LAMA3: variants seen among roughly 807,000 people sequenced by gnomAD.
The protein encoded by LAMA3 is laminin subunit alpha 3.
In LAMA3, 281 loss-of-function variants were observed where a neutral mutation model predicts 402.0. That is an observed-to-expected ratio of 0.70 (90% CI 0.63 to 0.77). The LOEUF (loss-of-function observed/expected upper bound fraction) is 0.77. LAMA3 is among the 30% of genes least tolerant of loss of function. The pLI is 0.00. For synonymous variants in LAMA3, 1,431 were observed against 1,558.4 expected (o/e 0.92, Z 1.93); for missense variants, 3,840 against 4,215.5 (o/e 0.91, Z 2.47).
At chr18:23,867,950 C>T in intron 37 of LAMA3, 33 bp downstream of exon 37, 1 of 1,510,378 alleles carries the variant, frequency 6.6e-7, no homozygotes. Flanking sequence ...ATGGTCCTTT[C>T]TGTTTTGTGA....
At chr18:23,714,125 A>G (rs1321439519) in intron 2 of LAMA3, 53 bp downstream of exon 2, 6 of 1,506,804 alleles carry the variant, frequency 4.0e-6, no homozygotes, top group East Asian at 2.3e-5. Flanking sequence ...CACTGTTTCT[A>G]TGGGGATTTC....
At chr18:23,806,584 G>T (rs768895925) in intron 12 of LAMA3, among the ~76,000 whole-genome samples, 1 of 152,108 alleles carries the variant, frequency 6.6e-6, no homozygotes, top group African/African-American at 2.4e-5. Context: ...AAGAAGACTC[G>T]TTGGAATTTA....
chr18:23,736,044 A>G (rs922586208), intron 2 of LAMA3, among the ~76,000 whole-genome samples: 2 of 152,064 alleles, frequency 1.3e-5, no homozygotes, highest in African/African-American at 4.8e-5. Flanking sequence ...GGCCCTTTCA[A>G]AAACTTCAAC....
At chr18:23,832,782 T>A (rs1170028678) in intron 23 of LAMA3, among the ~76,000 whole-genome samples, 3 of 152,216 alleles carry the variant, frequency 2.0e-5, no homozygotes, top group Non-Finnish European at 1.5e-5. Flanking sequence ...GTTCAAAAAA[T>A]GAAGTATATT....
chr18:23,817,917 G>A (rs559568769), intron 18 of LAMA3, among the ~76,000 whole-genome samples: 44 of 152,128 alleles, frequency 2.9e-4, no homozygotes, highest in Non-Finnish European at 1.5e-4. Flanking sequence ...ACTTTGGGGG[G>A]CCGAGGTGGG....
At chr18:23,769,495 G>A (rs1189016668) in intron 8 of LAMA3, among the ~76,000 whole-genome samples, 1 of 152,196 alleles carries the variant, frequency 6.6e-6, no homozygotes, top group Non-Finnish European at 1.5e-5. Context: ...ATTTGACTGT[G>A]AGACGTGAAG....
intron 36 of LAMA3, among the ~76,000 whole-genome samples, chr18:23,867,480 CAGAGGTTG>C: frequency 6.8e-6 from 1 of 146,348 alleles, no homozygotes; most frequent in Non-Finnish European, 1.5e-5. Context: ...ACCCGGATGC[CAGAGGTTG>C]CAGTGAGCCA....
At chr18:23,946,940 C>T (rs2082732261) in intron 70 of LAMA3, 1 of 152,424 alleles carries the variant, frequency 6.6e-6, no homozygotes, top group African/African-American at 2.4e-5. Context: ...AAAGCTGTTC[C>T]TTGTCCTCGT....
intron 8 of LAMA3, among the ~76,000 whole-genome samples, chr18:23,771,915 T>C (rs1274961471): frequency 1.3e-5 from 2 of 152,216 alleles, no homozygotes; most frequent in Non-Finnish European, 2.9e-5. Context: ...TTCCCTTAAA[T>C]ATTGATGCTC....
chr18:23,931,182 G>C lies in LAMA3; in HGVS notation c.8557G>C (p.Val2853Leu). The change falls in exon 65 of 75, where the codon GTA (valine) becomes CTA (leucine). Residue 2853 changes from valine (V) to leucine (L), a missense_variant. Val to Leu is a conservative substitution (Grantham distance 32). This residue lies in a region of LAMA3 where 840 missense variants were observed against 981.9 expected (regional missense o/e 0.86). Coordinates refer to ENST00000313654, the MANE Select transcript of LAMA3 (RefSeq NM_198129.4). ...YMDGLLHYVS[V>L]ISDNSGLRLL... ...GGATGGTTTACTGCATTATGTATCT[G>C]TAATAAGCGACAACTCTGGGTGAGT... The C allele has an allele frequency of 1.1e-5, 17 of 1,612,772 alleles. No homozygotes were observed. The highest frequency in any genetic ancestry group is 1.4e-5 in the Non-Finnish European group (16 of 1,178,744).
intron 62 of LAMA3, 130 bp from the exon 63 acceptor site, chr18:23,927,993 T>C: frequency 1.3e-6 from 1 of 761,636 alleles, no homozygotes; most frequent in Non-Finnish European, 2.4e-6. Context: ...GGGAATCCCA[T>C]GGGAAAGGAT....
rs141023743 is a variant in LAMA3, at chr18:23,907,808, C to T, written c.6888C>T (p.Asn2296=). Residue 2296 remains asparagine, a synonymous_variant, in exon 54 of 75, where the codon AAC becomes AAT. Transcript: ENST00000313654. ...SSAKSMVRKA[N]DITDEVLDGL... is the part of the protein sequence containing the mutation. Reference sequence around the variant, plus strand: ...CAAAGAGCATGGTCAGAAAGGCCAACGACATCACAGATGAGGTTCTGGATG... The same window carrying T: ...CAAAGAGCATGGTCAGAAAGGCCAATGACATCACAGATGAGGTTCTGGATG... The T allele has an allele frequency of 3.5e-5, 56 of 1,614,120 alleles. No individual in the cohort carries two copies. The African/African-American group carries it at 3.6e-4, about 10-fold the overall frequency.
chr18:23,947,671 T>TTA (rs2082753827), intron 70 of LAMA3, among the ~76,000 whole-genome samples: 1 of 151,970 alleles, frequency 6.6e-6, no homozygotes, highest in Admixed American at 6.6e-5. Flanking sequence ...ATGCAGTAAC[T>TTA]TATATATATT....
intron 38 of LAMA3, chr18:23,873,340 T>G: frequency 1.2e-6 from 1 of 865,216 alleles, no homozygotes; most frequent in Non-Finnish European, 2.0e-6. Context: ...GGCCTCCCAG[T>G]CACCTTGACT....
chr18:23,849,038 A>G (rs931314114), intron 32 of LAMA3, among the ~76,000 whole-genome samples: 10 of 152,220 alleles, frequency 6.6e-5, no homozygotes, highest in African/African-American at 2.2e-4. Flanking sequence ...CACCAGTCAT[A>G]CTGGCTTAAG....
At chr18:23,921,239 T>C (rs113705374) in intron 61 of LAMA3, among the ~76,000 whole-genome samples, 185 bp downstream of exon 61, 206 of 152,344 alleles carry the variant, frequency 1.4e-3, no homozygotes, top group African/African-American at 4.4e-3. Flanking sequence ...ATACATGATA[T>C]CTATAAAACA....
At chr18:23,860,552 C>T (rs1014192043) in intron 34 of LAMA3, among the ~76,000 whole-genome samples, 2 of 152,068 alleles carry the variant, frequency 1.3e-5, no homozygotes, top group African/African-American at 4.8e-5. Context: ...AGCCACCACA[C>T]CCGGCCTTCT....
intron 13 of LAMA3, among the ~76,000 whole-genome samples, chr18:23,812,022 T>C (rs1485851716): frequency 4.0e-5 from 6 of 151,880 alleles, no homozygotes; most frequent in Non-Finnish European, 7.4e-5. Context: ...TACAGGCATG[T>C]GCCACCATGC....
intron 11 of LAMA3, among the ~76,000 whole-genome samples, chr18:23,778,506 T>A (rs374233962): frequency 4.7e-4 from 72 of 152,222 alleles, no homozygotes; most frequent in African/African-American, 1.6e-3. Flanking sequence ...AACTAACTCA[T>A]GTGAGAAGAT....
Sources: allele counts gnomAD v4.1 joint callset (sites outside exome capture counted in the v4.1 genomes callset), GRCh38; gene constraint gnomAD v4.1.1; regional missense constraint gnomAD v4.1.1; transcripts MANE v1.5; gene names NCBI Gene and HGNC (gene_info 2026-07-23, HGNC 2026-07-21).